Variants in KCNMA1 observed in about 807,000 individuals in gnomAD.
KCNMA1 encodes the protein Calcium-activated potassium channel subunit alpha-1.
Under a neutral mutation model 140.0 loss-of-function variants are expected in KCNMA1, and 29 were observed. The ratio of observed to expected loss-of-function variants is 0.21; its 90% CI spans 0.15 to 0.28. KCNMA1 has a LOEUF of 0.28. KCNMA1 is among the 10% of genes least tolerant of loss of function. The pLI is 1.00. For synonymous variants in KCNMA1, 612 were observed against 611.9 expected, an observed-to-expected ratio of 1.00 and a Z score of 0.00; for missense variants, 880 against 1,602.2, an observed-to-expected ratio of 0.55 and a Z score of 7.70.
chr10:77,526,237 C>T (rs1425076799), intron 1 of KCNMA1, among the ~76,000 whole-genome samples: 1 of 152,216 alleles, frequency 6.6e-6, no homozygotes, highest in Non-Finnish European at 1.5e-5. Context: ...AGCCTTTCCT[C>T]CCCCAACTCT....
intron 1 of KCNMA1, among the ~76,000 whole-genome samples, chr10:77,405,695 T>C (rs1020754184): frequency 6.6e-6 from 1 of 152,230 alleles, no homozygotes; most frequent in Non-Finnish European, 1.5e-5. Flanking sequence ...TGCCAGCAAA[T>C]TATGTTCATC....
At chr10:77,373,725 G>A (rs1404988937) in intron 2 of KCNMA1, 1 of 152,136 alleles carries the variant, frequency 6.6e-6, no homozygotes, top group African/African-American at 2.4e-5. Flanking sequence ...CAAAAAGAAG[G>A]TGGTTTCCAT....
chr10:77,323,159 T>C (rs2082861746), intron 2 of KCNMA1, among the ~76,000 whole-genome samples: 1 of 152,190 alleles, frequency 6.6e-6, no homozygotes, highest in Admixed American at 6.5e-5. Context: ...TACTTCCCTG[T>C]CACCTTCCAG....
chr10:77,012,197 T>C, intron 17 of KCNMA1, 154 bp from the exon 18 acceptor site: 1 of 1,515,560 alleles, frequency 6.6e-7, no homozygotes, highest in Non-Finnish European at 8.8e-7. Flanking sequence ...CAGACGGAAA[T>C]GTTTGTTGCA....
At chr10:77,278,580 G>A (rs2067376407) in intron 2 of KCNMA1, among the ~76,000 whole-genome samples, 1 of 152,134 alleles carries the variant, frequency 6.6e-6, no homozygotes, top group Non-Finnish European at 1.5e-5. Context: ...CCGAAATCCA[G>A]CCTCAACCCA....
At chr10:76,914,873 C>A (rs2052089348) in intron 24 of KCNMA1, 63 bp downstream of exon 24, 5 of 1,207,650 alleles carry the variant, frequency 4.1e-6, no homozygotes, top group Middle Eastern at 1.9e-4. Context: ...CCAACCTCCT[C>A]ATATCCTGTA....
intron 1 of KCNMA1, among the ~76,000 whole-genome samples, chr10:77,494,893 C>G (rs1260672928): frequency 6.6e-6 from 1 of 152,204 alleles, no homozygotes; most frequent in African/African-American, 2.4e-5. Flanking sequence ...CTTACAGATT[C>G]ATCACCGCAA....
chr10:77,180,096 A>G (rs1387306214), intron 5 of KCNMA1, among the ~76,000 whole-genome samples: 1 of 152,202 alleles, frequency 6.6e-6, no homozygotes, highest in African/African-American at 2.4e-5. Flanking sequence ...ACAGTCCTGT[A>G]CCCTCAGCAG....
At chr10:76,967,993 CATTACTTA>C (rs2074612263) in intron 20 of KCNMA1, among the ~76,000 whole-genome samples, 2 of 152,128 alleles carry the variant, frequency 1.3e-5, no homozygotes, top group South Asian at 4.1e-4. Flanking sequence ...ATCTGTTGAT[CATTACTTA>C]TTTACAAAGG....
In KCNMA1 at chr10:77,564,496, T is replaced by C. The variant is rs1603636849; in HGVS notation, c.378+72769A>G. Among the ~76,000 whole-genome samples, 3 of 152,212 alleles carry C rather than the reference T, an allele frequency of 2.0e-5. No individual in the cohort carries two copies. The South Asian group carries it at 6.2e-4, about 32-fold the overall frequency. ...TACTCTGGAGGCTGAGACAGAAGAATCACTTGAACCTGGGAGGCAAAGATT... is the reference window on the plus strand; with the variant it reads ...TACTCTGGAGGCTGAGACAGAAGAACCACTTGAACCTGGGAGGCAAAGATT... On this transcript the variant is annotated intron_variant, in intron 1 of 27. Coordinates refer to ENST00000286628, the MANE Select transcript of KCNMA1 (RefSeq NM_001161352.2).
chr10:77,197,542 C>T (rs1430255646), intron 3 of KCNMA1, among the ~76,000 whole-genome samples: 1 of 152,208 alleles, frequency 6.6e-6, no homozygotes, highest in East Asian at 1.9e-4. Flanking sequence ...GATATCACAG[C>T]AAACTGAGGG....
intron 3 of KCNMA1, among the ~76,000 whole-genome samples, chr10:77,207,348 T>C (rs796199830): frequency 2.0e-4 from 31 of 152,300 alleles, no homozygotes; most frequent in African/African-American, 7.5e-4. Context: ...GGACTCTGGA[T>C]TCAGACCAGG....
chr10:77,345,087 A>G (rs2154379930), intron 2 of KCNMA1, among the ~76,000 whole-genome samples: 1 of 152,324 alleles, frequency 6.6e-6, no homozygotes, highest in East Asian at 1.9e-4. Context: ...TTGAAACCAG[A>G]GAGTTTGGCT....
chr10:77,173,514 A>G (rs189195305), intron 5 of KCNMA1, among the ~76,000 whole-genome samples: 12 of 152,300 alleles, frequency 7.9e-5, no homozygotes, highest in African/African-American at 2.9e-4. Context: ...ATACATATAT[A>G]TACACATATA....
chr10:77,334,465 C>T (rs1286462597), intron 2 of KCNMA1, among the ~76,000 whole-genome samples: 2 of 152,122 alleles, frequency 1.3e-5, no homozygotes, highest in African/African-American at 2.4e-5. Context: ...TGTAATTTGG[C>T]CCCAACATAC....
At chr10:77,443,157 C>T (rs930346944) in intron 1 of KCNMA1, among the ~76,000 whole-genome samples, 11 of 152,218 alleles carry the variant, frequency 7.2e-5, no homozygotes, top group African/African-American at 2.7e-4. Flanking sequence ...AGGGGCCAGA[C>T]TGGCTCCCAA....
At chr10:77,548,514 T>G (rs979644552) in intron 1 of KCNMA1, among the ~76,000 whole-genome samples, 3 of 152,194 alleles carry the variant, frequency 2.0e-5, no homozygotes, top group African/African-American at 7.2e-5. Context: ...CATGTAGGTG[T>G]GCACAGAGGC....
chr10:76,915,440 T>G (rs1288055576), intron 23 of KCNMA1, among the ~76,000 whole-genome samples: 8 of 152,130 alleles, frequency 5.3e-5, no homozygotes, highest in Admixed American at 5.2e-4. Context: ...ATATCACTGC[T>G]GGTTCAGGTA....
At chr10:77,142,415 A>T (rs566054341) in intron 5 of KCNMA1, among the ~76,000 whole-genome samples, 1 of 152,164 alleles carries the variant, frequency 6.6e-6, no homozygotes, top group East Asian at 1.9e-4. Flanking sequence ...ACAAAAAAGA[A>T]AAAGGAAAAA....
Sources: allele counts gnomAD v4.1 joint callset (sites outside exome capture counted in the v4.1 genomes callset), GRCh38; gene constraint gnomAD v4.1.1; transcripts MANE v1.5; gene names NCBI Gene and HGNC (gene_info 2026-07-23, HGNC 2026-07-21).